The following CD48 variants were observed in gnomAD, a reference collection of about 807,000 sequenced individuals.
CD48 encodes the protein CD48 antigen.
In CD48, 20 loss-of-function variants were observed where a neutral mutation model predicts 22.0. The observed-to-expected ratio is 0.91, with a 90% CI of 0.64 to 1.32. The LOEUF (loss-of-function observed/expected upper bound fraction) is 1.32, where lower values mean the gene tolerates loss of function less well. CD48 is among the 40% of genes most tolerant of loss of function. CD48 has a pLI of 0.00. For missense variants in CD48, 307 were observed against 286.5 expected (o/e 1.07, Z -0.52); for synonymous variants, 110 against 110.1 (o/e 1.00, Z 0.01).
intron 1 of CD48, among the ~76,000 whole-genome samples, chr1:160,707,671 G>T (rs994141920): frequency 1.3e-5 from 2 of 152,184 alleles, no homozygotes; most frequent in African/African-American, 2.4e-5. Flanking sequence ...GAGGTAAGGG[G>T]CCTTGAGGAT....
intron 1 of CD48, among the ~76,000 whole-genome samples, chr1:160,711,224 T>A (rs959143593): frequency 6.6e-6 from 1 of 152,208 alleles, no homozygotes; most frequent in Non-Finnish European, 1.5e-5. Context: ...TTTTGATCTA[T>A]CTTTTCTTTG....
In CD48 at chr1:160,711,542, T is replaced by C. The variant is rs1391691420; in HGVS notation, c.82+140A>G. The C allele has an allele frequency of 1.2e-5, 8 of 651,012 alleles. No homozygotes were observed. The East Asian group carries it at 1.7e-4, about 14-fold the overall frequency. The allele number at this position is 651,012 out of a possible 1,614,324, so 40.3% of individuals were successfully genotyped here. ...TAAGAAAGGCTCCCCAACCATGCCA[T>C]GGCCATGCTATTGGAATGGAAATAC... On this transcript the variant is annotated intron_variant, in intron 1 of 3. Coordinates refer to ENST00000368046, the MANE Select transcript of CD48 (RefSeq NM_001778.4).
chr1:160,707,068 A>G (rs940684021), intron 1 of CD48, among the ~76,000 whole-genome samples: 3 of 152,184 alleles, frequency 2.0e-5, no homozygotes, highest in African/African-American at 7.2e-5. Flanking sequence ...TAAATATTTA[A>G]CAAGCCTGTA....
At chr1:160,686,034 G>A (rs946123132) in intron 1 of CD48, among the ~76,000 whole-genome samples, 7 of 152,132 alleles carry the variant, frequency 4.6e-5, no homozygotes, top group African/African-American at 1.7e-4. Flanking sequence ...CCCGTGTGTG[G>A]GTCAGGCCCT....
chr1:160,700,856 G>A (rs1470176393), intron 1 of CD48, among the ~76,000 whole-genome samples: 2 of 152,122 alleles, frequency 1.3e-5, no homozygotes, highest in Non-Finnish European at 2.9e-5. Context: ...TATTGAACAG[G>A]AGTGGTCTGA....
chr1:160,679,248 C>A (rs559600260), intron 3 of CD48, 117 bp from the exon 4 acceptor site: 17 of 752,366 alleles, frequency 2.3e-5, no homozygotes, highest in African/African-American at 1.4e-4. Flanking sequence ...AAATTAATTT[C>A]TTCCCTGAAT....
intron 3 of CD48, 164 bp downstream of exon 3, chr1:160,681,038 G>T: frequency 6.7e-7 from 1 of 1,484,976 alleles, no homozygotes; most frequent in South Asian, 1.3e-5. Context: ...CTGGGAGGTG[G>T]TGGTAGAGCT....
At chr1:160,681,009 C>T (rs932602843) in intron 3 of CD48, 193 bp downstream of exon 3, 44 of 1,457,002 alleles carry the variant, frequency 3.0e-5, no homozygotes, top group Admixed American at 5.0e-5. Flanking sequence ...TGAGCCCCCA[C>T]GAAGTTGAGG....
intron 1 of CD48, among the ~76,000 whole-genome samples, chr1:160,700,830 G>A (rs1263539378): frequency 2.6e-5 from 4 of 152,024 alleles, no homozygotes; most frequent in South Asian, 2.1e-4. Flanking sequence ...ATTGTTTATC[G>A]ACCACCATTC....
intron 1 of CD48, chr1:160,699,486 A>T (rs1662550682): frequency 1.3e-5 from 2 of 152,488 alleles, no homozygotes; most frequent in Admixed American, 1.3e-4. Context: ...TGTGCTGAGG[A>T]GGATTAGTAT....
At chr1:160,701,862 G>A (rs1662640889) in intron 1 of CD48, among the ~76,000 whole-genome samples, 1 of 152,134 alleles carries the variant, frequency 6.6e-6, no homozygotes, top group Non-Finnish European at 1.5e-5. Context: ...AGAAACTTCG[G>A]CACCAGTATC....
intron 1 of CD48, among the ~76,000 whole-genome samples, chr1:160,700,114 T>A (rs1430058370): frequency 6.6e-6 from 1 of 152,194 alleles, no homozygotes; most frequent in African/African-American, 2.4e-5. Flanking sequence ...AGAAATAAGT[T>A]TGTCTGTAGG....
At chr1:160,704,990 G>T (rs1662748670) in intron 1 of CD48, among the ~76,000 whole-genome samples, 1 of 152,126 alleles carries the variant, frequency 6.6e-6, no homozygotes, top group Admixed American at 6.6e-5. Flanking sequence ...AAAGCTAAAG[G>T]TAGAAGAAGA....
intron 1 of CD48, among the ~76,000 whole-genome samples, chr1:160,687,386 A>T (rs1458628515): frequency 6.6e-6 from 1 of 152,212 alleles, no homozygotes; most frequent in Non-Finnish European, 1.5e-5. Flanking sequence ...GGCTGACAGG[A>T]TTAAGAGATT....
chr1:160,701,519 C>G (rs567062211), intron 1 of CD48, among the ~76,000 whole-genome samples: 1 of 151,994 alleles, frequency 6.6e-6, no homozygotes, highest in Admixed American at 6.6e-5. Context: ...AAAGAATAAC[C>G]TAAACCAGCC....
intron 1 of CD48, among the ~76,000 whole-genome samples, chr1:160,703,803 T>C (rs1662707380): frequency 6.6e-6 from 1 of 151,962 alleles, no homozygotes; most frequent in Non-Finnish European, 1.5e-5. Flanking sequence ...GCCAAGAGGG[T>C]ATCTGGGGTA....
At chr1:160,705,227 A>T (rs2102438282) in intron 1 of CD48, among the ~76,000 whole-genome samples, 1 of 152,274 alleles carries the variant, frequency 6.6e-6, no homozygotes, top group South Asian at 2.1e-4. Flanking sequence ...TTTATTAAGC[A>T]CTTACCCTGT....
chr1:160,679,244 A>T, intron 3 of CD48, 113 bp from the exon 4 acceptor site: 2 of 770,478 alleles, frequency 2.6e-6, no homozygotes, highest in Non-Finnish European at 4.5e-6. Flanking sequence ...AGGGAAATTA[A>T]TTTCTTCCCT....
intron 1 of CD48, among the ~76,000 whole-genome samples, chr1:160,707,997 A>C (rs3914854): frequency 0.099 from 15,062 of 152,130 alleles, 933 homozygotes; most frequent in African/African-American, 0.17. Flanking sequence ...TAATCAGATG[A>C]TTTCGCTATT....
Sources: allele counts gnomAD v4.1 joint callset (sites outside exome capture counted in the v4.1 genomes callset), GRCh38; gene constraint gnomAD v4.1.1; transcripts MANE v1.5; gene names NCBI Gene and HGNC (gene_info 2026-07-23, HGNC 2026-07-21).